Variants in PER2 observed in about 807,000 individuals in gnomAD.
PER2 encodes period circadian regulator 2.
Under a neutral mutation model 121.0 loss-of-function variants are expected in PER2, and 66 were observed. That is an observed-to-expected ratio of 0.55 (90% confidence interval 0.45 to 0.67). The LOEUF (loss-of-function observed/expected upper bound fraction) is 0.67, where lower values mean the gene tolerates loss of function less well. Among genes scored for constraint, PER2 ranks in the 30% least tolerant of loss-of-function variants. The probability of loss-of-function intolerance (pLI) is 0.00; values close to 1 mark genes in which losing one functional copy is unlikely to be tolerated. For missense variants in PER2, 1,521 were observed against 1,635.0 expected (o/e 0.93, Z 1.20); for synonymous variants, 684 against 659.9 (o/e 1.04, Z -0.56).
intron 6 of PER2, among the ~76,000 whole-genome samples, chr2:238,269,294 T>C (rs1430368528): frequency 1.3e-5 from 2 of 151,936 alleles, no homozygotes; most frequent in Non-Finnish European, 2.9e-5. Flanking sequence ...ACACTCACGG[T>C]GCACTGCTGC....
Position 238,268,967 on chromosome 2 carries a change from A to G in PER2, c.780T>C (p.Phe260=). The G allele has an allele frequency of 6.2e-7, 1 of 1,609,778 alleles. No homozygotes were observed. The highest frequency in any genetic ancestry group is 1.3e-5 in the African/African-American group (1 of 74,960). ...LWSMCSGADS[F]TQECMEEKSF... ...ATTTCTCCTCCATGCATTCTTGAGT[A>G]AAAGAATCTAAAAGAGAGAGCCCAA... Residue 260 remains phenylalanine, a synonymous_variant, in exon 7 of 23, where the codon TTT becomes TTC. Coordinates refer to ENST00000254657, the MANE Select transcript of PER2 (RefSeq NM_022817.3). This position sits in a 1 kb window ranked among gnomAD's most constrained non-coding sequence, Gnocchi z 4.0.
chr2:238,298,438 G>T, the PER2 span: 2 of 152,316 alleles, frequency 1.3e-5, no homozygotes, highest in East Asian at 1.9e-4. Context: ...CTCACTCAAG[G>T]CTTCACGTTG....
In PER2 at chr2:238,250,753, C is replaced by CA; in HGVS notation, c.3275-11dup. 6.3e-7 allele frequency: 1 copy of CA among 1,599,076 alleles called. No homozygotes were observed. The highest frequency in any genetic ancestry group is 8.6e-7 in the Non-Finnish European group (1 of 1,166,676). ...CTTGTGTCACTACTGCCTTTAAAAA[C>CA]AAAAAACGTGGTGCGTCAAAACATT... is the stretch of plus-strand genomic sequence containing the variant. On this transcript the variant is annotated splice_polypyrimidine_tract_variant and intron_variant, in intron 20 of 22. Transcript: ENST00000254657.
chr2:238,271,344 T>C lies in PER2; in HGVS notation c.740A>G (p.Lys247Arg). ...ACTGCACATGCTCCACAAGGGAAGC[T>C]TGTACGGGGAGGTGAAACTGTGGAA... ...GVFHSFTSPYKLPLWSMCSGA... is the reference protein window; with the variant it reads ...GVFHSFTSPYRLPLWSMCSGA... The change falls in exon 6 of 23, where the codon AAG (lysine) becomes AGG (arginine). Residue 247 changes from lysine to arginine, a missense_variant. Physicochemically the swap from Lys to Arg is conservative, Grantham distance 26 (BLOSUM62 2). Coordinates refer to ENST00000254657, the MANE Select transcript of PER2 (RefSeq NM_022817.3). 6.2e-7 allele frequency: 1 copy of C among 1,614,032 alleles called. No individual in the cohort carries two copies.
chr2:238,270,717 C>T (rs548661131), intron 6 of PER2, among the ~76,000 whole-genome samples: 20 of 152,296 alleles, frequency 1.3e-4, no homozygotes, highest in African/African-American at 4.6e-4. Flanking sequence ...GGCTGGGGAG[C>T]GGAGCCTGGA....
rs115244328 is a variant in PER2 at position 238,271,528 on chromosome 2, T to A, written c.571-15A>T. 2.1e-5 allele frequency: 34 copies of A among 1,597,842 alleles called. No homozygotes were observed. Among genetic ancestry groups the A allele is most frequent in the Non-Finnish European group, 2.9e-5 (34 of 1,168,074 alleles). On this transcript the variant is annotated splice_polypyrimidine_tract_variant and intron_variant, in intron 5 of 22. Coordinates refer to ENST00000254657, the MANE Select transcript of PER2 (RefSeq NM_022817.3). Reference sequence around the variant, plus strand: ...GCAAACATATCCTGAAAAGGAAGAGTAGGGCTCTGATGACAAGGTCAGATG... The same window carrying A: ...GCAAACATATCCTGAAAAGGAAGAGAAGGGCTCTGATGACAAGGTCAGATG...
chr2:238,262,057 G>T, intron 11 of PER2, 134 bp downstream of exon 11: 1 of 940,530 alleles, frequency 1.1e-6, no homozygotes, highest in Non-Finnish European at 1.7e-6. Context: ...TGGGGCTCCA[G>T]ATTGGTGGCA....
intron 18 of PER2, 149 bp downstream of exon 18, chr2:238,255,508 G>C: frequency 1.2e-6 from 1 of 829,406 alleles, no homozygotes. Context: ...TACAGAAACA[G>C]ATGGCGTTGC....
rs1695532684 is a variant in PER2, at chr2:238,249,180, T to G, written c.3500A>C (p.Glu1167Ala). ...GAGTTTCTGTAGGAGCTTCAGCTTCTCTCTGTCCTCCTTCAAAACCGCTTC... is the reference window on the plus strand; with the variant it reads ...GAGTTTCTGTAGGAGCTTCAGCTTCGCTCTGTCCTCCTTCAAAACCGCTTC... Reference protein sequence around the residue: ...NLEAVLKEDREKLKLLQKLQP... With the variant: ...NLEAVLKEDRAKLKLLQKLQP... Residue 1167 changes from glutamate (E) to alanine (A), a missense_variant, in exon 22 of 23, where the codon GAG (glutamate) becomes GCG (alanine). Glu to Ala is a moderately radical substitution (Grantham distance 107). Transcript: ENST00000254657. The G allele has an allele frequency of 6.2e-7, 1 of 1,614,168 alleles. No individual in the cohort carries two copies. Among genetic ancestry groups the G allele is most frequent in the Admixed American group, 1.7e-5 (1 of 60,034 alleles).
At chr2:238,249,442 T>C (rs1470463190) in intron 21 of PER2, among the ~76,000 whole-genome samples, 1 of 152,222 alleles carries the variant, frequency 6.6e-6, no homozygotes, top group Admixed American at 6.5e-5. Flanking sequence ...ACAATAGGCC[T>C]GGGAGCTGCG....
At chr2:238,258,715 T>C (rs1305398042) in intron 14 of PER2, 71 bp from the exon 15 acceptor site, 1 of 1,502,772 alleles carries the variant, frequency 6.7e-7, no homozygotes, top group Admixed American at 1.7e-5. Context: ...TTACAAAGCA[T>C]TTTCGTTCTA....
chr2:238,296,043 C>T, the PER2 span, among the ~76,000 whole-genome samples: 8 of 148,436 alleles, frequency 5.4e-5, no homozygotes, highest in African/African-American at 2.0e-4. Flanking sequence ...GCTGCAGAGT[C>T]AGTCGTGTGC....
chr2:238,253,626 G>A lies in PER2; in HGVS notation c.2397C>T (p.Ser799=), dbSNP rs201166411. The A allele has an allele frequency of 2.5e-5, 40 of 1,609,508 alleles. No individual in the cohort carries two copies. The Admixed American group carries it at 6.5e-4, about 26-fold the overall frequency. Residue 799 remains serine, a synonymous_variant, in exon 19 of 23, where the codon TCC becomes TCT. Coordinates refer to ENST00000254657, the MANE Select transcript of PER2 (RefSeq NM_022817.3). The surrounding 1 kb of genome is among the most constrained non-coding windows in gnomAD (Gnocchi z 5.6). ...ATGAGTCTCGAGGTTTGACCCGCTT[G>A]GACTTCAATTTTCTGTTCTTTCCTG... ...KKTGKNRKLK[S]KRVKPRDSSE... is the part of the protein sequence containing the mutation.
chr2:238,259,992 T>C lies in PER2; in HGVS notation c.1604A>G (p.Glu535Gly), dbSNP rs749904599. The C allele has an allele frequency of 6.7e-7, 1 of 1,491,956 alleles. No individual in the cohort carries two copies. Among genetic ancestry groups the C allele is most frequent in the Non-Finnish European group, 9.3e-7 (1 of 1,073,944 alleles). The allele number at this position is 1,491,956 out of a possible 1,614,324, so 92.4% of individuals were successfully genotyped here. Residue 535 changes from glutamate to glycine, a missense_variant, in exon 14 of 23, where the codon GAA becomes GGA. Transcript: ENST00000254657. ...NRSHYSHESGEQKKKSVTEMQ... is the reference protein window; with the variant it reads ...NRSHYSHESGGQKKKSVTEMQ... ...ACCTGTAACGGATTTTTTCTTTTGT[T>C]CTCCAGATTCATGAGAATAATGACT...
upstream of PER2, among the ~76,000 whole-genome samples, chr2:238,292,706 G>T (rs948202980): frequency 2.0e-5 from 3 of 149,410 alleles, no homozygotes; most frequent in Non-Finnish European, 4.4e-5. Context: ...ATTCTAATTC[G>T]CTAAGATTTT....
chr2:238,256,979 A>G lies in PER2; in HGVS notation c.2008T>C (p.Cys670Arg). 6.2e-7 allele frequency: 1 copy of G among 1,613,988 alleles called. No individual in the cohort carries two copies. The highest frequency in any genetic ancestry group is 8.5e-7 in the Non-Finnish European group (1 of 1,179,996). Residue 670 changes from cysteine (C) to arginine (R), a missense_variant, in exon 17 of 23, where the codon TGC (cysteine) becomes CGC (arginine). Coordinates refer to ENST00000254657, the MANE Select transcript of PER2 (RefSeq NM_022817.3). ...AESVASLTSQ[C>R]SYSSTIVHVG... ...TGGACGATGGTGCTGCTGTAGCTGC[A>G]CTGGCTGGTGAGCGACGCCACACTC...
At chr2:238,274,323 G>A (rs1014661480) in intron 4 of PER2, among the ~76,000 whole-genome samples, 1 of 152,224 alleles carries the variant, frequency 6.6e-6, no homozygotes, top group Non-Finnish European at 1.5e-5. Flanking sequence ...ACAGGCCCCG[G>A]ACACATGAAA....
At position 238,288,527 on chromosome 2, in the gene PER2, A is replaced by G. The variant is rs1260374135; in HGVS notation, c.-198T>C. ...TCAAGCCGAGGAGTCCAGCAGCCCA[A>G]GGAACTTCCGGCGGCGCCTCCGCTG... On this transcript the variant is annotated 5_prime_UTR_variant, in exon 1 of 23. Coordinates refer to ENST00000254657, the MANE Select transcript of PER2 (RefSeq NM_022817.3). 6.6e-6 allele frequency: 1 copy of G among 151,976 alleles called. No homozygotes were observed. Among genetic ancestry groups the G allele is most frequent in the Non-Finnish European group, 1.5e-5 (1 of 67,972 alleles). The allele number at this position is 151,976 out of a possible 1,614,324, so 9.4% of individuals were successfully genotyped here.
Position 238,263,013 on chromosome 2 carries a change from G to C in PER2, c.1092C>G (p.Thr364=). Residue 364 remains threonine (T), a synonymous_variant, in exon 10 of 23, where the codon ACC becomes ACG. Transcript: ENST00000254657. Reference sequence around the variant, plus strand: ...TAGGGTGGAGCTGCACGAGCACTGGGGTTTCAATCAGGTCCTGAGGTAGGT... The same window carrying C: ...TAGGGTGGAGCTGCACGAGCACTGGCGTTTCAATCAGGTCCTGAGGTAGGT... The part of the protein sequence containing the change: ...LGYLPQDLIE[T]PVLVQLHPSD... 6.2e-7 allele frequency: 1 copy of C among 1,614,066 alleles called. No individual in the cohort carries two copies. The highest frequency in any genetic ancestry group is 8.5e-7 in the Non-Finnish European group (1 of 1,179,966).
Sources: allele counts gnomAD v4.1 joint callset (sites outside exome capture counted in the v4.1 genomes callset), GRCh38; gene constraint gnomAD v4.1.1; non-coding constraint Gnocchi (gnomAD v3.1); transcripts MANE v1.5; gene names NCBI Gene and HGNC (gene_info 2026-07-23, HGNC 2026-07-21).